Variants in ANKS1B observed in about 807,000 individuals in gnomAD.
ANKS1B encodes the protein ankyrin repeat and sterile alpha motif domain containing 1B.
In ANKS1B, 36 loss-of-function variants were observed where a neutral mutation model predicts 148.3. The observed-to-expected ratio is 0.24, with a 90% CI of 0.19 to 0.32. The LOEUF (loss-of-function observed/expected upper bound fraction) is 0.32. Among genes scored for constraint, ANKS1B ranks in the 10% least tolerant of loss-of-function variants. ANKS1B has a pLI of 1.00. For synonymous variants in ANKS1B, 542 were observed against 560.8 expected, an observed-to-expected ratio of 0.97 and a Z score of 0.47; for missense variants, 1,157 against 1,542.6, an observed-to-expected ratio of 0.75 and a Z score of 4.19.
chr12:99,105,986 A>G (rs2059126997), intron 15 of ANKS1B, among the ~76,000 whole-genome samples: 1 of 152,142 alleles, frequency 6.6e-6, no homozygotes, highest in Non-Finnish European at 1.5e-5. Context: ...TCCAACAAGA[A>G]GAGTGGTTTC....
chr12:99,810,371 T>C (rs1038169267), intron 3 of ANKS1B, among the ~76,000 whole-genome samples: 1 of 151,874 alleles, frequency 6.6e-6, no homozygotes, highest in Non-Finnish European at 1.5e-5. Flanking sequence ...AGTTTATAAT[T>C]AACAAGAAGA....
chr12:99,085,827 C>T (rs554528603), intron 15 of ANKS1B, among the ~76,000 whole-genome samples: 4 of 152,050 alleles, frequency 2.6e-5, no homozygotes, highest in Non-Finnish European at 4.4e-5. Flanking sequence ...AACACACGGA[C>T]GTAGAGGGGA....
chr12:99,671,856 AT>A (rs34683335), intron 8 of ANKS1B, among the ~76,000 whole-genome samples: 5 of 151,930 alleles, frequency 3.3e-5, no homozygotes, highest in African/African-American at 4.8e-5. Flanking sequence ...CATTCAGTAA[AT>A]TTTTTTTGGT....
At chr12:99,636,752 G>T (rs1048389104) in intron 9 of ANKS1B, among the ~76,000 whole-genome samples, 1 of 152,108 alleles carries the variant, frequency 6.6e-6, no homozygotes, top group Non-Finnish European at 1.5e-5. Context: ...CTCTGTGCAC[G>T]TCCATGAATG....
intron 17 of ANKS1B, among the ~76,000 whole-genome samples, chr12:98,948,947 CTTT>C (rs869145338): frequency 1.8e-4 from 15 of 84,854 alleles, no homozygotes; most frequent in African/African-American, 6.8e-4. Context: ...GCATGAGCTA[CTTT>C]TTTTTTTTTT....
intron 19 of ANKS1B, among the ~76,000 whole-genome samples, chr12:98,812,148 T>C (rs1040019916): frequency 1.3e-5 from 2 of 152,194 alleles, no homozygotes; most frequent in Non-Finnish European, 2.9e-5. Flanking sequence ...AACATAACGA[T>C]GTTTCAGTCA....
chr12:99,490,852 C>T (rs186767596), intron 10 of ANKS1B, among the ~76,000 whole-genome samples: 1 of 152,296 alleles, frequency 6.6e-6, no homozygotes, highest in East Asian at 1.9e-4. Flanking sequence ...GTAGATATAT[C>T]TGACAAGTCT....
chr12:99,812,336 C>A, intron 2 of ANKS1B, 25 bp from the exon 3 acceptor site: 1 of 1,601,508 alleles, frequency 6.2e-7, no homozygotes, highest in Non-Finnish European at 8.5e-7. Flanking sequence ...ACAACAACAA[C>A]AAAATAGGCT....
intron 1 of ANKS1B, among the ~76,000 whole-genome samples, chr12:99,847,505 A>G (rs748768410): frequency 1.1e-4 from 17 of 152,200 alleles, no homozygotes; most frequent in Non-Finnish European, 2.1e-4. Context: ...TACACCCAGA[A>G]GGAACAAATG....
At chr12:98,910,513 C>T (rs756054737) in intron 17 of ANKS1B, among the ~76,000 whole-genome samples, 16 of 152,104 alleles carry the variant, frequency 1.1e-4, no homozygotes, top group Non-Finnish European at 2.1e-4. Context: ...ATGAAAAATA[C>T]AGAGAACATG....
intron 4 of ANKS1B, among the ~76,000 whole-genome samples, chr12:99,805,263 C>G (rs553872982): frequency 3.5e-5 from 1 of 28,908 alleles, no homozygotes. Flanking sequence ...GAGGAAAAGG[C>G]AAAAAAAAAA....
chr12:99,742,498 AAAG>A (rs761904025), intron 8 of ANKS1B, among the ~76,000 whole-genome samples: 2 of 152,250 alleles, frequency 1.3e-5, no homozygotes, highest in Non-Finnish European at 2.9e-5. Context: ...ACTGTTTATT[AAAG>A]TAGTAAAAAT....
chr12:99,560,837 TTTC>T (rs2097327264), intron 9 of ANKS1B, among the ~76,000 whole-genome samples: 2 of 107,744 alleles, frequency 1.9e-5, no homozygotes, highest in African/African-American at 6.4e-5. Flanking sequence ...TTCTTTCTTT[TTTC>T]TTTTTTTTTT....
intron 16 of ANKS1B, among the ~76,000 whole-genome samples, chr12:99,053,698 C>T (rs890854534): frequency 6.6e-6 from 1 of 152,198 alleles, no homozygotes; most frequent in African/African-American, 2.4e-5. Context: ...GATGATAATT[C>T]TCATATGCAC....
At chr12:99,257,079 C>A (rs2075351007) in intron 12 of ANKS1B, among the ~76,000 whole-genome samples, 1 of 152,206 alleles carries the variant, frequency 6.6e-6, no homozygotes, top group Non-Finnish European at 1.5e-5. Flanking sequence ...CCGGTCTCTA[C>A]TAAAAATACA....
chr12:99,031,646 T>A (rs1270974632), intron 17 of ANKS1B, among the ~76,000 whole-genome samples: 1 of 152,200 alleles, frequency 6.6e-6, no homozygotes, highest in Non-Finnish European at 1.5e-5. Flanking sequence ...GCAGATGTGA[T>A]GACAGAAGCT....
At chr12:99,979,208 G>A (rs755565707) in intron 1 of ANKS1B, among the ~76,000 whole-genome samples, 2 of 151,990 alleles carry the variant, frequency 1.3e-5, no homozygotes, top group Non-Finnish European at 2.9e-5. Flanking sequence ...TTTCTTTAAG[G>A]ATGAAAGGGG....
chr12:99,017,761 C>A (rs1433621875), intron 17 of ANKS1B, among the ~76,000 whole-genome samples: 1 of 152,156 alleles, frequency 6.6e-6, no homozygotes, highest in Non-Finnish European at 1.5e-5. Flanking sequence ...CAAATGAACT[C>A]TTTCTCCACT....
At chr12:99,489,156 C>T (rs2096531055) in intron 10 of ANKS1B, among the ~76,000 whole-genome samples, 1 of 150,750 alleles carries the variant, frequency 6.6e-6, no homozygotes. Context: ...GCAGGAGAAT[C>T]ACTTGAACCC....
Sources: gnomAD v4.1 joint callset for allele counts (sites outside exome capture counted in the v4.1 genomes callset) on GRCh38, gnomAD v4.1.1 for gene constraint, MANE v1.5 for transcripts, NCBI Gene and HGNC (gene_info 2026-07-23, HGNC 2026-07-21) for gene names.